PHACTR2: variants seen among roughly 807,000 people sequenced by gnomAD.
The protein encoded by PHACTR2 is chromosome 6 open reading frame 56.
In PHACTR2, 30 loss-of-function variants were observed where a neutral mutation model predicts 76.0. The observed-to-expected ratio is 0.39, with a 90% CI of 0.30 to 0.54. PHACTR2 has a LOEUF of 0.54. Among genes scored for constraint, PHACTR2 ranks in the 20% least tolerant of loss-of-function variants. PHACTR2 has a pLI of 0.61. For synonymous variants in PHACTR2, 292 were observed against 292.5 expected (o/e 1.00, Z 0.02); for missense variants, 696 against 781.1 (o/e 0.89, Z 1.30).
intron 1 of PHACTR2, among the ~76,000 whole-genome samples, chr6:143,644,797 A>G (rs13220613): frequency 0.47 from 70,270 of 148,730 alleles, 16,386 homozygotes; most frequent in South Asian, 0.57. Flanking sequence ...TTTATTTTTC[A>G]TTTGCTTGTT....
chr6:143,755,375 A>G lies in PHACTR2; in HGVS notation c.454+1463A>G. 2.2e-6 allele frequency: 1 copy of G among 456,048 alleles called. No individual in the cohort carries two copies. The highest frequency in any genetic ancestry group is 1.5e-5 in the South Asian group (1 of 64,566). 28.3% of individuals were successfully genotyped at this position (456,048 alleles called of 1,614,324 possible). On this transcript the variant is annotated intron_variant, in intron 4 of 12. Transcript: ENST00000440869. The surrounding 1 kb of genome is among the most constrained non-coding windows in gnomAD (Gnocchi z 5.2). ...CTCACATCCAAGAATCGCATCCTGC[A>G]TTACGTAACAGTGCCATCTCTGGTG... is the stretch of plus-strand genomic sequence containing the variant.
chr6:143,673,351 G>T (rs531031220), upstream of PHACTR2, among the ~76,000 whole-genome samples: 58 of 151,756 alleles, frequency 3.8e-4, no homozygotes, highest in African/African-American at 1.3e-3. Flanking sequence ...TCCATACTTG[G>T]AAGTTACCAT....
intron 1 of PHACTR2, among the ~76,000 whole-genome samples, chr6:143,586,928 A>G (rs1379152786): frequency 6.6e-6 from 1 of 152,224 alleles, no homozygotes; most frequent in African/African-American, 2.4e-5. Flanking sequence ...TTATATTAAT[A>G]AAGACAATCT....
chr6:143,682,001 T>C (rs1230712466), intron 1 of PHACTR2, among the ~76,000 whole-genome samples: 1 of 152,218 alleles, frequency 6.6e-6, no homozygotes, highest in African/African-American at 2.4e-5. Flanking sequence ...AACCTAGAAG[T>C]ATGAGTTTTT....
chr6:143,545,483 A>G (rs1774973188), intron 1 of PHACTR2, among the ~76,000 whole-genome samples: 1 of 152,068 alleles, frequency 6.6e-6, no homozygotes, highest in Admixed American at 6.5e-5. Context: ...AAGGAAGTGC[A>G]CTCATGCTAG....
At position 143,777,071 on chromosome 6, in the gene PHACTR2, CTG is replaced by C. The variant is rs544658914; in HGVS notation, c.1590-255_1590-254del. Among the ~76,000 whole-genome samples the C allele has an allele frequency of 1.5e-3, 232 of 152,162 alleles. 1 individual carries two copies. Among genetic ancestry groups the C allele is most frequent in the Non-Finnish European group, 7.5e-4 (51 of 68,000 alleles). ...ACCTGGCTTCTAGGGAGGCAGAAGT[CTG>C]TAGTCAGGTACCTAGCTAACATCCA... On this transcript the variant is annotated intron_variant, in intron 8 of 12. Transcript: ENST00000440869. The surrounding 1 kb of genome is among the most constrained non-coding windows in gnomAD (Gnocchi z 4.6).
chr6:143,777,337 C>A lies in PHACTR2; in HGVS notation c.1599C>A (p.Ser533Arg). 2 of 1,596,432 alleles carry A rather than the reference C, an allele frequency of 1.3e-6. No individual in the cohort carries two copies. The highest frequency in any genetic ancestry group is 1.7e-6 in the Non-Finnish European group (2 of 1,165,984). ...QIGTKLVRRL[S>R]QRPTTEELEQ... ...CTTTTTGTCATCATAGGAGGCTGAG[C>A]CAGAGGCCCACAACTGAAGAATTAG... Residue 533 changes from serine to arginine, a missense_variant, in exon 9 of 13, where the codon AGC (serine) becomes AGA (arginine). Ser to Arg is a moderately radical substitution (Grantham distance 110). Transcript: ENST00000440869. The surrounding 1 kb of genome is among the most constrained non-coding windows in gnomAD (Gnocchi z 4.6).
rs749302123 is a variant in PHACTR2, at chr6:143,749,069, A to T, written c.295+4A>T. 1 of 1,459,590 alleles carries T rather than the reference A, an allele frequency of 6.9e-7. No individual in the cohort carries two copies. Among genetic ancestry groups the T allele is most frequent in the Non-Finnish European group, 9.6e-7 (1 of 1,041,186 alleles). 90.4% of individuals were successfully genotyped at this position (1,459,590 alleles called of 1,614,324 possible). A position where few individuals can be genotyped will look rare whatever the true frequency, so the allele number is the denominator to read the frequency against. Reference sequence around the variant, plus strand: ...CTTAAGGAATTGCCTGATCAAGGTGAGGAAATTAATCATACATTTTAAATA... The same window carrying T: ...CTTAAGGAATTGCCTGATCAAGGTGTGGAAATTAATCATACATTTTAAATA... On this transcript the variant is annotated splice_donor_region_variant and intron_variant, in intron 3 of 12. Coordinates refer to ENST00000440869, the MANE Select transcript of PHACTR2 (RefSeq NM_001100164.2).
intron 2 of PHACTR2, among the ~76,000 whole-genome samples, chr6:143,736,407 G>T (rs1366600080): frequency 1.3e-5 from 2 of 151,816 alleles, no homozygotes; most frequent in Admixed American, 1.3e-4. Context: ...CCTATACTAT[G>T]CTGCCTTCTA....
In PHACTR2 at chr6:143,639,516, T is replaced by C. The variant is rs1776528367; in HGVS notation, c.13+31194T>C. 6.6e-6 allele frequency among the ~76,000 whole-genome samples: 1 copy of C among 152,192 alleles called. No individual in the cohort carries two copies. The highest frequency in any genetic ancestry group is 2.4e-5 in the African/African-American group (1 of 41,452). On this transcript the variant is annotated intron_variant, in intron 1 of 11. Transcript: ENST00000305766. The surrounding 1 kb of genome is among the most constrained non-coding windows in gnomAD (Gnocchi z 5.0). ...ATCACCTATTTTTACTTTTGGCATC[T>C]AGATGACATTTGGCCCATTCAAAAA...
intron 6 of PHACTR2, among the ~76,000 whole-genome samples, chr6:143,771,131 C>CATATATATATGT (rs1447222154): frequency 8.4e-5 from 6 of 71,236 alleles, no homozygotes; most frequent in Admixed American, 3.5e-4. Context: ...ATGTACTTTA[C>CATATATATATGT]ATATATATAT....
At chr6:143,705,229 CT>C (rs1193182380) in intron 1 of PHACTR2, among the ~76,000 whole-genome samples, 1 of 152,102 alleles carries the variant, frequency 6.6e-6, no homozygotes, top group Non-Finnish European at 1.5e-5. Flanking sequence ...AGTGATTCTC[CT>C]GCCTCAGCCT....
chr6:143,773,167 C>G (rs746506912), intron 7 of PHACTR2, among the ~76,000 whole-genome samples: 12 of 152,034 alleles, frequency 7.9e-5, no homozygotes, highest in Admixed American at 5.2e-4. Context: ...GAGCTGAGAT[C>G]GCGCCACTGC....
chr6:143,769,055 T>C (rs1775031379), intron 6 of PHACTR2, among the ~76,000 whole-genome samples: 1 of 152,216 alleles, frequency 6.6e-6, no homozygotes, highest in Admixed American at 6.5e-5. Flanking sequence ...TTTCATCAAC[T>C]AATGTGTGAA....
At chr6:143,802,476 CA>C (rs1350213484) in intron 11 of PHACTR2, among the ~76,000 whole-genome samples, 1 of 137,410 alleles carries the variant, frequency 7.3e-6, no homozygotes, top group Admixed American at 7.8e-5. Flanking sequence ...CTCATCTCCA[CA>C]AATTTTTTTT....
Position 143,788,903 on chromosome 6 carries a change from C to A in PHACTR2, c.1838C>A (p.Ala613Glu). The A allele has an allele frequency of 6.2e-7, 1 of 1,609,038 alleles. No individual in the cohort carries two copies. Among genetic ancestry groups the A allele is most frequent in the South Asian group, 1.1e-5 (1 of 90,720 alleles). The change falls in exon 11 of 13, where the codon GCA becomes GAA. Residue 613 changes from alanine to glutamate, a missense_variant. This residue lies in a region of PHACTR2 where 236 missense variants were observed against 330.2 expected (regional missense o/e 0.71). Coordinates refer to ENST00000440869, the MANE Select transcript of PHACTR2 (RefSeq NM_001100164.2). ...AAGCCCTGGGCCAGGTTAACACCTG[C>A]AGACAAGGCAAGAATCCCAGTGGAT... ...ADKPWARLTP[A>E]DKAAIRKELN... is the part of the protein sequence containing the mutation.
rs1778109239 is a variant in PHACTR2 at position 143,708,901 on chromosome 6, G to T, written c.47-3115G>T. 6.6e-6 allele frequency among the ~76,000 whole-genome samples: 1 copy of T among 152,186 alleles called. No homozygotes were observed. The highest frequency in any genetic ancestry group is 1.5e-5 in the Non-Finnish European group (1 of 68,026). On this transcript the variant is annotated intron_variant, in intron 1 of 12. Coordinates refer to ENST00000440869, the MANE Select transcript of PHACTR2 (RefSeq NM_001100164.2). The surrounding 1 kb of genome is among the most constrained non-coding windows in gnomAD (Gnocchi z 5.5). ...TTGGGAGAGAAAGATCCCATGTATT[G>T]TAAGAAAATGAAAACTGGACATGTA...
intron 1 of PHACTR2, among the ~76,000 whole-genome samples, chr6:143,702,503 G>A (rs1243285319): frequency 6.6e-6 from 1 of 152,176 alleles, no homozygotes; most frequent in African/African-American, 2.4e-5. Flanking sequence ...TGCCAATGGA[G>A]ACAGCCTGGT....
rs116165130 is a variant in PHACTR2, at chr6:143,775,327, C to T, written c.1589+1112C>T. Among the ~76,000 whole-genome samples, 360 of 152,272 alleles carry T rather than the reference C, an allele frequency of 2.4e-3. 1 individual carries two copies. Among genetic ancestry groups the T allele is most frequent in the African/African-American group, 8.2e-3 (341 of 41,558 alleles). On this transcript the variant is annotated intron_variant, in intron 8 of 12. Transcript: ENST00000440869. This position sits in a 1 kb window ranked among gnomAD's most constrained non-coding sequence, Gnocchi z 4.4. ...CTGGAAGAAATTTGGGAATGTTTAC[C>T]AGTGGTCTCTCTCGCTCTCGTCTTC...
Sources: gnomAD v4.1 joint callset for allele counts (sites outside exome capture counted in the v4.1 genomes callset) on GRCh38, gnomAD v4.1.1 for gene constraint, gnomAD v4.1.1 regional missense constraint, Gnocchi (gnomAD v3.1) non-coding constraint, MANE v1.5 for transcripts, NCBI Gene and HGNC (gene_info 2026-07-23, HGNC 2026-07-21) for gene names.